The following DAB2IP variants were observed in gnomAD, a reference collection of about 807,000 sequenced individuals.
DAB2IP encodes DAB2 interacting protein.
DAB2IP carries 28 observed loss-of-function variants against 107.2 expected under a neutral mutation model. The observed-to-expected ratio is 0.26, with a 90% CI of 0.19 to 0.36. DAB2IP has a LOEUF of 0.36. Ranked by LOEUF, DAB2IP falls within the 10% of genes least tolerant of loss-of-function variation. The pLI, the probability that DAB2IP is intolerant of heterozygous loss-of-function variation, is 1.00. For synonymous variants in DAB2IP, 755 were observed against 706.4 expected, an observed-to-expected ratio of 1.07 and a Z score of -1.09; for missense variants, 1,400 against 1,644.7, an observed-to-expected ratio of 0.85 and a Z score of 2.57.
At chr9:121,589,325 C>T (rs1830375733) in intron 1 of DAB2IP, among the ~76,000 whole-genome samples, 1 of 152,140 alleles carries the variant, frequency 6.6e-6, no homozygotes, top group South Asian at 2.1e-4. Context: ...ATGGCTGCTC[C>T]CCTCACTTGA....
chr9:121,679,136 G>A (rs565818007), intron 2 of DAB2IP, among the ~76,000 whole-genome samples: 2 of 152,076 alleles, frequency 1.3e-5, no homozygotes, highest in South Asian at 4.2e-4. Context: ...CTGCAACCCC[G>A]AAAAGATGCA....
chr9:121,600,398 A>G (rs1160212389), intron 1 of DAB2IP, among the ~76,000 whole-genome samples: 2 of 152,144 alleles, frequency 1.3e-5, no homozygotes, highest in Non-Finnish European at 2.9e-5. Context: ...CCTTGGGCTA[A>G]GCAGAGTGGG....
chr9:121,650,520 C>G (rs1005292935), upstream of DAB2IP, among the ~76,000 whole-genome samples: 1 of 152,214 alleles, frequency 6.6e-6, no homozygotes, highest in Non-Finnish European at 1.5e-5. Context: ...CTCACACCCC[C>G]CACCCCTAAG....
intron 2 of DAB2IP, among the ~76,000 whole-genome samples, chr9:121,688,622 C>T (rs530892143): frequency 8.5e-5 from 13 of 152,340 alleles, no homozygotes; most frequent in Admixed American, 3.3e-4. Context: ...CACGCTCCCT[C>T]ACGGACTCTG....
intron 1 of DAB2IP, among the ~76,000 whole-genome samples, chr9:121,659,748 C>T (rs370566463): frequency 5.0e-4 from 76 of 152,084 alleles, no homozygotes; most frequent in Non-Finnish European, 9.1e-4. Context: ...GAGCCGAGAT[C>T]GCGCCACTGC....
At chr9:121,572,698 A>G (rs1283390484) in intron 1 of DAB2IP, among the ~76,000 whole-genome samples, 1 of 152,046 alleles carries the variant, frequency 6.6e-6, no homozygotes, top group Non-Finnish European at 1.5e-5. Context: ...CCTGTTTTTC[A>G]GGCGGTCTTG....
chr9:121,657,515 G>A (rs1191204278), intron 1 of DAB2IP, among the ~76,000 whole-genome samples: 1 of 152,190 alleles, frequency 6.6e-6, no homozygotes, highest in Non-Finnish European at 1.5e-5. Context: ...AGCAGGTAGG[G>A]GTTATTGTTG....
intron 1 of DAB2IP, among the ~76,000 whole-genome samples, chr9:121,600,176 C>T (rs937686268): frequency 6.6e-6 from 1 of 152,148 alleles, no homozygotes; most frequent in African/African-American, 2.4e-5. Context: ...TCAGACCTTC[C>T]TCAGCTCACC....
rs115759516 is a variant in DAB2IP, at chr9:121,713,252, C to G, written c.362+13794C>G. Among the ~76,000 whole-genome samples the G allele has an allele frequency of 4.7e-3, 711 of 152,302 alleles. 10 individuals carry two copies. The highest frequency in any genetic ancestry group is 0.016 in the African/African-American group (684 of 41,560). On this transcript the variant is annotated intron_variant, in intron 3 of 15. Transcript: ENST00000408936. ...TGGGCCTTCAGCTCTTTCCTCTTGG[C>G]CACCAAGAAACCATTTGCTCCCTGG...
At position 121,766,736 on chromosome 9, in the gene DAB2IP, T is replaced by C; in HGVS notation, c.1697+6T>C. On this transcript the variant is annotated splice_donor_region_variant and intron_variant, in intron 9 of 15. Coordinates refer to ENST00000408936, the Ensembl canonical transcript of DAB2IP. Reference sequence around the variant, plus strand: ...AACCTGGCCAACTTTGCCAAGTGAGTGCCTCCTCCCTCACCAGGCAGAGTT... The same window carrying C: ...AACCTGGCCAACTTTGCCAAGTGAGCGCCTCCTCCCTCACCAGGCAGAGTT... 1 of 1,613,676 alleles carries C rather than the reference T, an allele frequency of 6.2e-7. No homozygotes were observed. The highest frequency in any genetic ancestry group is 2.2e-5 in the East Asian group (1 of 44,860).
rs114209694 is a variant in DAB2IP, at chr9:121,584,315, A to T, written c.40+17087A>T. Reference sequence around the variant, plus strand: ...ATTTTCATTTAAATGACGGTTCTGGATCACTTGAGCCCAGGAATTTGAGGC... The same window carrying T: ...ATTTTCATTTAAATGACGGTTCTGGTTCACTTGAGCCCAGGAATTTGAGGC... On this transcript the variant is annotated intron_variant, in intron 1 of 16. Transcript: ENST00000259371. Among the ~76,000 whole-genome samples, 525 of 152,250 alleles carry T rather than the reference A, an allele frequency of 3.4e-3. 5 individuals carry two copies. Among genetic ancestry groups the T allele is most frequent in the African/African-American group, 0.012 (494 of 41,556 alleles).
intron 9 of DAB2IP, among the ~76,000 whole-genome samples, 193 bp downstream of exon 9, chr9:121,766,923 T>C (rs1279791138): frequency 6.6e-6 from 1 of 152,240 alleles, no homozygotes; most frequent in Non-Finnish European, 1.5e-5. Flanking sequence ...CTACTCAAGG[T>C]ATATGTCATT....
chr9:121,714,451 G>C (rs1830488941), intron 3 of DAB2IP, among the ~76,000 whole-genome samples: 1 of 152,226 alleles, frequency 6.6e-6, no homozygotes, highest in East Asian at 1.9e-4. Context: ...TGAGCAGCAG[G>C]GAGACAGGCA....
intron 1 of DAB2IP, among the ~76,000 whole-genome samples, chr9:121,638,357 C>T (rs896853267): frequency 2.0e-5 from 3 of 152,108 alleles, no homozygotes; most frequent in South Asian, 4.1e-4. Context: ...GGGACTTGAG[C>T]GTGCTTGGAT....
At position 121,590,055 on chromosome 9, in the gene DAB2IP, A is replaced by T. The variant is rs548390479; in HGVS notation, c.40+22827A>T. ...TGAGAATGATTAGACTCAGACAGGG[A>T]TGTGTCCCCTCAGAACAGGTCTTCC... On this transcript the variant is annotated intron_variant, in intron 1 of 16. Transcript: ENST00000259371. 3.3e-4 allele frequency among the ~76,000 whole-genome samples: 49 copies of T among 150,744 alleles called. No individual in the cohort carries two copies. In the South Asian group the frequency reaches 9.7e-3, roughly 30 times the overall value.
At chr9:121,568,253 C>T (rs953754776) in intron 1 of DAB2IP, among the ~76,000 whole-genome samples, 3 of 152,184 alleles carry the variant, frequency 2.0e-5, no homozygotes, top group African/African-American at 7.2e-5. Flanking sequence ...CCTGCAGGAG[C>T]TCAGCCCTTT....
chr9:121,720,312 A>ACAGC (rs1242379023), intron 3 of DAB2IP, among the ~76,000 whole-genome samples: 1 of 152,144 alleles, frequency 6.6e-6, no homozygotes, highest in African/African-American at 2.4e-5. Context: ...CACCTAGCAT[A>ACAGC]CAGCCTGGCC....
chr9:121,665,408 A>C (rs556334580), intron 1 of DAB2IP, among the ~76,000 whole-genome samples: 2 of 152,342 alleles, frequency 1.3e-5, no homozygotes, highest in South Asian at 4.1e-4. Flanking sequence ...TTGGGGGGAA[A>C]ATAGTTTACA....
At chr9:121,627,250 C>T (rs374273587) in intron 1 of DAB2IP, among the ~76,000 whole-genome samples, 108 of 152,200 alleles carry the variant, frequency 7.1e-4, no homozygotes, top group African/African-American at 2.6e-3. Flanking sequence ...TCGAAGTCCA[C>T]GGTGTCGGTA....
Sources: allele counts gnomAD v4.1 joint callset (sites outside exome capture counted in the v4.1 genomes callset), GRCh38; gene constraint gnomAD v4.1.1; transcripts MANE v1.5; gene names NCBI Gene and HGNC (gene_info 2026-07-23, HGNC 2026-07-21).